The following ETV6 variants were observed in gnomAD, a reference collection of about 807,000 sequenced individuals.
ETV6 encodes the protein transcription factor ETV6.
In ETV6, 16 loss-of-function variants were observed where a neutral mutation model predicts 51.1. The ratio of observed to expected loss-of-function variants is 0.31; its 90% CI spans 0.21 to 0.48. The LOEUF (loss-of-function observed/expected upper bound fraction) is 0.48. Ranked by LOEUF, ETV6 falls within the 20% of genes least tolerant of loss-of-function variation. The probability of loss-of-function intolerance (pLI) is 0.99; values close to 1 mark genes in which losing one functional copy is unlikely to be tolerated. For synonymous variants in ETV6, 240 were observed against 224.1 expected (o/e 1.07, Z -0.64); for missense variants, 458 against 594.8 (o/e 0.77, Z 2.39).
intron 1 of ETV6, chr12:11,751,470 C>T: frequency 1.9e-6 from 1 of 518,052 alleles, no homozygotes; most frequent in Non-Finnish European, 3.9e-6. Context: ...ATGTGGACTG[C>T]AAGTCAACCT....
At chr12:11,838,806 A>C (rs1196895927) in intron 2 of ETV6, among the ~76,000 whole-genome samples, 1 of 152,226 alleles carries the variant, frequency 6.6e-6, no homozygotes, top group Non-Finnish European at 1.5e-5. Flanking sequence ...AAGGAAGGGC[A>C]GGTCTCTAAG....
chr12:11,725,766 G>A (rs1295690172), intron 1 of ETV6, among the ~76,000 whole-genome samples: 2 of 152,108 alleles, frequency 1.3e-5, no homozygotes, highest in Non-Finnish European at 2.9e-5. Flanking sequence ...GCTAAAAAGA[G>A]CCTGGTACCT....
intron 2 of ETV6, among the ~76,000 whole-genome samples, chr12:11,799,839 C>T (rs1184012323): frequency 6.6e-6 from 1 of 152,118 alleles, no homozygotes; most frequent in Admixed American, 6.5e-5. Flanking sequence ...GATCACTGCT[C>T]ACTGCAGCCT....
rs1947334808 is a variant in ETV6, at chr12:11,893,777, C to A, written c.*2731C>A. ...TTTTGTGTTTAGACTTTGTGTCCAT[C>A]CCCAAGATCTCTCATTTTATATATA... is the stretch of plus-strand genomic sequence containing the variant. On this transcript the variant is annotated 3_prime_UTR_variant, in exon 8 of 8. Coordinates refer to ENST00000396373, the MANE Select transcript of ETV6 (RefSeq NM_001987.5). 6.1e-6 allele frequency: 1 copy of A among 164,426 alleles called. No homozygotes were observed. The highest frequency in any genetic ancestry group is 2.8e-5 in the African/African-American group (1 of 35,654). The allele number at this position is 164,426 out of a possible 1,614,324, so 10.2% of individuals were successfully genotyped here.
chr12:11,752,567 C>G lies in ETV6; in HGVS notation c.151C>G (p.Pro51Ala). The G allele has an allele frequency of 6.2e-7, 1 of 1,612,292 alleles. No homozygotes were observed. The highest frequency in any genetic ancestry group is 8.5e-7 in the Non-Finnish European group (1 of 1,179,722). The stretch of plus-strand genomic sequence containing the variant: ...GATGGAGGAAGACTCGATCCGCCTG[C>G]CTGCGCACCTGCGTGAGTGTTCGTG... ...LRMEEDSIRL[P>A]AHLRLQPIYW... The change falls in exon 2 of 8, where the codon CCT becomes GCT. Residue 51 changes from proline (P) to alanine (A), a missense_variant. By Grantham distance (27) the Pro-to-Ala change is conservative. Coordinates refer to ENST00000396373, the MANE Select transcript of ETV6 (RefSeq NM_001987.5).
intron 1 of ETV6, chr12:11,750,855 C>T (rs772560221): frequency 2.1e-6 from 1 of 465,812 alleles, no homozygotes; most frequent in African/African-American, 2.3e-5. Flanking sequence ...AAAAGTATAA[C>T]CCATCCTTCA....
intron 1 of ETV6, among the ~76,000 whole-genome samples, chr12:11,684,209 G>A (rs1481445561): frequency 6.6e-6 from 1 of 152,184 alleles, no homozygotes; most frequent in East Asian, 1.9e-4. Flanking sequence ...CAAAATAATT[G>A]TAAATGATAA....
At chr12:11,669,411 C>T (rs950446503) in intron 1 of ETV6, among the ~76,000 whole-genome samples, 7 of 117,612 alleles carry the variant, frequency 6.0e-5, no homozygotes, top group African/African-American at 1.2e-4. Context: ...CCTTTCCTCC[C>T]TTCCTCCTTC....
chr12:11,846,831 A>C (rs1188459246), intron 3 of ETV6, among the ~76,000 whole-genome samples: 1 of 152,162 alleles, frequency 6.6e-6, no homozygotes, highest in Non-Finnish European at 1.5e-5. Flanking sequence ...TTGTTTGAAG[A>C]CAAGTAGAAG....
intron 1 of ETV6, among the ~76,000 whole-genome samples, chr12:11,651,694 A>G (rs1354665570): frequency 6.6e-6 from 1 of 152,220 alleles, no homozygotes; most frequent in Non-Finnish European, 1.5e-5. Context: ...ATCCTGCGGT[A>G]TAGATAATCT....
intron 4 of ETV6, among the ~76,000 whole-genome samples, 196 bp downstream of exon 4, chr12:11,853,757 T>C (rs1946592169): frequency 6.6e-6 from 1 of 152,224 alleles, no homozygotes. Flanking sequence ...GAGATGGATG[T>C]ACACAGAAGC....
intron 2 of ETV6, among the ~76,000 whole-genome samples, chr12:11,762,291 C>A (rs989793038): frequency 1.3e-5 from 2 of 152,222 alleles, no homozygotes; most frequent in Non-Finnish European, 2.9e-5. Flanking sequence ...GGCCCTTTGC[C>A]CCATGCAACA....
chr12:11,669,792 T>C (rs1864276966), intron 1 of ETV6, among the ~76,000 whole-genome samples: 1 of 152,214 alleles, frequency 6.6e-6, no homozygotes, highest in Non-Finnish European at 1.5e-5. Context: ...TTTTATCATA[T>C]ATTCATTCGT....
chr12:11,860,542 G>A (rs907113058), intron 4 of ETV6, among the ~76,000 whole-genome samples: 10 of 150,796 alleles, frequency 6.6e-5, no homozygotes, highest in African/African-American at 9.8e-5. Context: ...TCCAGCCTGG[G>A]CGACAGAGTG....
intron 2 of ETV6, among the ~76,000 whole-genome samples, chr12:11,785,965 T>C (rs1276461923): frequency 6.6e-6 from 1 of 152,190 alleles, no homozygotes; most frequent in Non-Finnish European, 1.5e-5. Context: ...CATCTAATTT[T>C]GGCACTTGTT....
chr12:11,712,493 CTG>C (rs1228799843), intron 1 of ETV6, among the ~76,000 whole-genome samples: 1 of 152,168 alleles, frequency 6.6e-6, no homozygotes, highest in African/African-American at 2.4e-5. Flanking sequence ...TCGTGCTCAT[CTG>C]TGTTAATCAG....
chr12:11,869,587 C>T lies in ETV6; in HGVS notation c.627C>T (p.Ile209=), dbSNP rs376163010. ...RPLRSPLDNM[I]RRLSPAERAQ... is the part of the protein sequence containing the mutation. ...TCCGGTCCCCCCTGGACAACATGAT[C>T]CGCCGCCTCTCCCCGGCTGAGAGAG... Residue 209 remains isoleucine, a synonymous_variant, in exon 5 of 8, where the codon ATC becomes ATT. Transcript: ENST00000396373. The surrounding 1 kb of genome is among the most constrained non-coding windows in gnomAD (Gnocchi z 5.0). 2.8e-5 allele frequency: 45 copies of T among 1,614,076 alleles called. No individual in the cohort carries two copies. The highest frequency in any genetic ancestry group is 6.6e-5 in the South Asian group (6 of 91,082).
chr12:11,818,272 C>G (rs1946023882), intron 2 of ETV6, among the ~76,000 whole-genome samples: 1 of 152,192 alleles, frequency 6.6e-6, no homozygotes, highest in Non-Finnish European at 1.5e-5. Flanking sequence ...AATCCCAGCA[C>G]TTTGGGAGGC....
At chr12:11,771,543 A>G (rs1446601157) in intron 2 of ETV6, among the ~76,000 whole-genome samples, 2 of 152,220 alleles carry the variant, frequency 1.3e-5, no homozygotes, top group Non-Finnish European at 2.9e-5. Context: ...GTATGTTACC[A>G]GAGTGATCTC....
Sources: allele counts gnomAD v4.1 joint callset (sites outside exome capture counted in the v4.1 genomes callset), GRCh38; gene constraint gnomAD v4.1.1; non-coding constraint Gnocchi (gnomAD v3.1); transcripts MANE v1.5; gene names NCBI Gene and HGNC (gene_info 2026-07-23, HGNC 2026-07-21).